The following GRB14 variants were observed in gnomAD, a reference collection of about 807,000 sequenced individuals.
The protein encoded by GRB14 is growth factor receptor bound protein 14.
A neutral mutation model predicts 69.1 loss-of-function variants in GRB14; 38 were observed. The observed-to-expected ratio is 0.55, with a 90% CI of 0.42 to 0.72. GRB14 has a LOEUF of 0.72. Among genes scored for constraint, GRB14 ranks in the 30% least tolerant of loss-of-function variants. The probability of loss-of-function intolerance (pLI) is 0.00; values close to 1 mark genes in which losing one functional copy is unlikely to be tolerated. For missense variants in GRB14, 666 were observed against 666.1 expected, an observed-to-expected ratio of 1.00 and a Z score of 0.00; for synonymous variants, 247 against 241.3, an observed-to-expected ratio of 1.02 and a Z score of -0.22.
chr2:164,568,640 T>C (rs1689046129), intron 2 of GRB14, among the ~76,000 whole-genome samples: 1 of 152,220 alleles, frequency 6.6e-6, no homozygotes, highest in African/African-American at 2.4e-5. Context: ...GTTTATGATA[T>C]TTAAAGAACC....
intron 2 of GRB14, among the ~76,000 whole-genome samples, chr2:164,596,849 G>A (rs1217265444): frequency 6.6e-6 from 1 of 151,942 alleles, no homozygotes; most frequent in East Asian, 1.9e-4. Context: ...GTCACTCACT[G>A]TGCAAATGAT....
chr2:164,527,696 C>T (rs1267193498), intron 3 of GRB14, among the ~76,000 whole-genome samples: 1 of 151,734 alleles, frequency 6.6e-6, no homozygotes, highest in Middle Eastern at 3.4e-3. Context: ...TTTTAAGAAG[C>T]CCAATTCCTT....
At chr2:164,504,501 G>A (rs961103178) in intron 8 of GRB14, among the ~76,000 whole-genome samples, 6 of 152,114 alleles carry the variant, frequency 3.9e-5, no homozygotes, top group Admixed American at 6.6e-5. Context: ...TGCCACAAGC[G>A]TGTCTGTGTT....
At chr2:164,589,585 C>T (rs1045617289) in intron 2 of GRB14, among the ~76,000 whole-genome samples, 2 of 152,056 alleles carry the variant, frequency 1.3e-5, no homozygotes, top group Non-Finnish European at 2.9e-5. Flanking sequence ...TTACAACCAG[C>T]TCTGTCCAGA....
In GRB14 at chr2:164,507,808, A is replaced by G. The variant is rs1322295501; in HGVS notation, c.1023+647T>C. ...TCAATTTTCTGGCAAACAGTTTTTG[A>G]AAATAAATATGCTTTCTATACATTC... is the stretch of plus-strand genomic sequence containing the variant. On this transcript the variant is annotated intron_variant, in intron 8 of 13. Coordinates refer to ENST00000263915, the MANE Select transcript of GRB14 (RefSeq NM_004490.3). Among the ~76,000 whole-genome samples the G allele has an allele frequency of 2.6e-5, 4 of 152,164 alleles. No individual in the cohort carries two copies. In the East Asian group the frequency reaches 7.7e-4, roughly 29 times the overall value.
At chr2:164,515,196 T>A (rs1425417885) in intron 6 of GRB14, among the ~76,000 whole-genome samples, 1 of 152,142 alleles carries the variant, frequency 6.6e-6, no homozygotes, top group Non-Finnish European at 1.5e-5. Flanking sequence ...TGATCCTCCT[T>A]GTACTACTGC....
intron 2 of GRB14, among the ~76,000 whole-genome samples, chr2:164,562,062 T>C (rs1688843038): frequency 6.6e-6 from 1 of 152,220 alleles, no homozygotes; most frequent in African/African-American, 2.4e-5. Context: ...AAATTGTTTT[T>C]ATCCAACTAA....
intron 6 of GRB14, among the ~76,000 whole-genome samples, chr2:164,521,273 C>A (rs1301236191): frequency 3.3e-5 from 5 of 152,010 alleles, no homozygotes; most frequent in Non-Finnish European, 5.9e-5. Context: ...GAATGTAAAA[C>A]CAAAAATTGT....
At chr2:164,511,797 G>A (rs561697480) in intron 6 of GRB14, among the ~76,000 whole-genome samples, 93 of 152,204 alleles carry the variant, frequency 6.1e-4, no homozygotes, top group African/African-American at 2.1e-3. Context: ...ATGCTAGCTC[G>A]GCCACAGATG....
chr2:164,590,379 G>A (rs1385345831), intron 2 of GRB14, among the ~76,000 whole-genome samples: 1 of 152,158 alleles, frequency 6.6e-6, no homozygotes, highest in Non-Finnish European at 1.5e-5. Flanking sequence ...AAAGTTAGTT[G>A]TCTCAAAATT....
intron 6 of GRB14, among the ~76,000 whole-genome samples, chr2:164,512,645 A>T (rs1687369872): frequency 6.6e-6 from 1 of 152,236 alleles, no homozygotes; most frequent in South Asian, 2.1e-4. Context: ...GTAGTGGTTC[A>T]TGAAGCATTA....
chr2:164,595,087 CAT>C (rs1192558177), intron 2 of GRB14, among the ~76,000 whole-genome samples: 1 of 152,140 alleles, frequency 6.6e-6, no homozygotes, highest in East Asian at 1.9e-4. Context: ...GGGAAGAAAA[CAT>C]GTGTTTATTA....
At chr2:164,608,567 A>T (rs1690093514) in intron 2 of GRB14, among the ~76,000 whole-genome samples, 1 of 150,936 alleles carries the variant, frequency 6.6e-6, no homozygotes, top group South Asian at 2.1e-4. Context: ...TGCCTCGTTC[A>T]TGCCTTGGAC....
chr2:164,508,718 T>G (rs759636661), intron 7 of GRB14, 24 bp downstream of exon 7: 9 of 1,530,722 alleles, frequency 5.9e-6, no homozygotes, highest in South Asian at 1.2e-5. Flanking sequence ...GCTTTATTCA[T>G]CTATCAAAAT....
intron 3 of GRB14, among the ~76,000 whole-genome samples, chr2:164,542,586 A>G (rs912503202): frequency 2.0e-5 from 3 of 152,188 alleles, no homozygotes; most frequent in Non-Finnish European, 2.9e-5. Context: ...GGTGAAGGAC[A>G]CGAATCAACA....
intron 2 of GRB14, among the ~76,000 whole-genome samples, chr2:164,581,112 T>C (rs534869900): frequency 5.3e-5 from 8 of 152,154 alleles, no homozygotes; most frequent in Non-Finnish European, 8.8e-5. Flanking sequence ...AAACCACCCA[T>C]ATTTCTATTT....
chr2:164,570,081 C>T (rs1023910038), intron 2 of GRB14, among the ~76,000 whole-genome samples: 19 of 152,058 alleles, frequency 1.2e-4, no homozygotes, highest in African/African-American at 4.6e-4. Flanking sequence ...TCTCTGCATC[C>T]TGGCTAACAC....
intron 3 of GRB14, among the ~76,000 whole-genome samples, chr2:164,537,162 A>G (rs1466569582): frequency 1.3e-5 from 2 of 152,108 alleles, no homozygotes; most frequent in East Asian, 3.9e-4. Context: ...GATGCCTCCA[A>G]CTGCTTTTCT....
intron 2 of GRB14, among the ~76,000 whole-genome samples, chr2:164,585,154 G>T (rs1265276268): frequency 7.9e-6 from 1 of 126,022 alleles, no homozygotes; most frequent in African/African-American, 3.1e-5. Flanking sequence ...TGCCATGTCG[G>T]CCAGGCTGGT....
Sources: gnomAD v4.1 joint callset for allele counts (sites outside exome capture counted in the v4.1 genomes callset) on GRCh38, gnomAD v4.1.1 for gene constraint, MANE v1.5 for transcripts, NCBI Gene and HGNC (gene_info 2026-07-23, HGNC 2026-07-21) for gene names.